Variants in RNF2 observed in about 807,000 individuals in gnomAD.
RNF2 encodes the protein E3 ubiquitin-protein ligase RING2.
Under a neutral mutation model 37.2 loss-of-function variants are expected in RNF2, and 6 were observed. That is an observed-to-expected ratio of 0.16 (90% CI 0.09 to 0.32). The LOEUF (loss-of-function observed/expected upper bound fraction) is 0.32, where lower values mean the gene tolerates loss of function less well. Among genes scored for constraint, RNF2 ranks in the 10% least tolerant of loss-of-function variants. RNF2 has a pLI of 1.00. For missense variants in RNF2, 251 were observed against 404.0 expected, an observed-to-expected ratio of 0.62 and a Z score of 3.25; for synonymous variants, 133 against 132.7, an observed-to-expected ratio of 1.00 and a Z score of -0.02.
chr1:185,087,618 A>T lies in RNF2; in HGVS notation c.65A>T (p.Tyr22Phe). ...PLSKTWELSL[Y>F]ELQRTPQEAI... ...AGCAAAACATGGGAACTCAGTTTAT[A>T]TGAGTTACAACGAACACCTCAGGTA... Residue 22 changes from tyrosine (Y) to phenylalanine (F), a missense_variant, in exon 2 of 7, where the codon TAT (tyrosine) becomes TTT (phenylalanine). By Grantham distance (22) the Tyr-to-Phe change is conservative. Around this residue, in one of 7 missense-constraint regions of RNF2, gnomAD observed 43 missense variants for 82.7 expected, o/e 0.52. Transcript: ENST00000367510. The T allele has an allele frequency of 6.2e-7, 1 of 1,613,898 alleles. No homozygotes were observed. The highest frequency in any genetic ancestry group is 8.5e-7 in the Non-Finnish European group (1 of 1,179,742).
At chr1:185,067,189 A>G (rs1650821298) in intron 1 of RNF2, among the ~76,000 whole-genome samples, 1 of 152,238 alleles carries the variant, frequency 6.6e-6, no homozygotes, top group African/African-American at 2.4e-5. Context: ...TGAGTATTCC[A>G]GATGTTCAGT....
chr1:185,096,529 A>G (rs1391667503), intron 4 of RNF2, among the ~76,000 whole-genome samples: 5 of 151,700 alleles, frequency 3.3e-5, no homozygotes, highest in Non-Finnish European at 7.4e-5. Context: ...TACCTCACAT[A>G]AGTGAAATCG....
chr1:185,065,446 C>G (rs1226246174), intron 1 of RNF2, among the ~76,000 whole-genome samples: 1 of 152,186 alleles, frequency 6.6e-6, no homozygotes, highest in Non-Finnish European at 1.5e-5. Context: ...ATAAATCTTG[C>G]TGCTGCTCAC....
At chr1:185,059,976 A>G (rs1252738168) in intron 1 of RNF2, among the ~76,000 whole-genome samples, 1 of 152,232 alleles carries the variant, frequency 6.6e-6, no homozygotes, top group Non-Finnish European at 1.5e-5. Flanking sequence ...CCAGAAAAGT[A>G]GAACTTGTTA....
Position 185,098,156 on chromosome 1 carries a change from C to T in RNF2, c.549C>T (p.Ser183=). The change falls in exon 5 of 7, where the codon TCC becomes TCT. Residue 183 remains serine, a synonymous_variant. Transcript: ENST00000367510. The part of the protein sequence containing the change: ...NGDSSHCSNA[S]THSNQEAGPS... ...ACAGTTCACACTGCAGTAATGCATC[C>T]ACACATAGCAATCAGGAAGCAGGCC... The T allele has an allele frequency of 6.2e-7, 1 of 1,614,170 alleles. No homozygotes were observed. Among genetic ancestry groups the T allele is most frequent in the Non-Finnish European group, 8.5e-7 (1 of 1,180,026 alleles).
intron 2 of RNF2, among the ~76,000 whole-genome samples, chr1:185,089,049 G>T (rs1452491411): frequency 6.6e-6 from 1 of 151,226 alleles, no homozygotes; most frequent in African/African-American, 2.4e-5. Context: ...CCATGGATTG[G>T]AGGTGGGTGG....
intron 1 of RNF2, among the ~76,000 whole-genome samples, chr1:185,047,934 A>G (rs1030839560): frequency 1.3e-5 from 2 of 152,210 alleles, no homozygotes; most frequent in African/African-American, 2.4e-5. Flanking sequence ...ATAGTAACTT[A>G]GTGTTTATTT....
In RNF2 at chr1:185,098,240, T is replaced by C; in HGVS notation, c.633T>C (p.Asn211=). 6.2e-7 allele frequency: 1 copy of C among 1,614,154 alleles called. No homozygotes were observed. The highest frequency in any genetic ancestry group is 1.1e-5 in the South Asian group (1 of 91,086). The part of the protein sequence containing the change: ...DDSGLELDNN[N]AAMAIDPVMD... ...CTGGGCTAGAGCTTGATAATAACAA[T>C]GCAGCAATGGCAATTGATCCAGTAA... is the stretch of plus-strand genomic sequence containing the variant. The change falls in exon 5 of 7, where the codon AAT becomes AAC. Residue 211 remains asparagine, a synonymous_variant. Coordinates refer to ENST00000367510, the MANE Select transcript of RNF2 (RefSeq NM_007212.4).
In RNF2 at chr1:185,076,622, A is replaced by G. The variant is rs538768005; in HGVS notation, c.-2-10930A>G. Among the ~76,000 whole-genome samples the G allele has an allele frequency of 4.5e-4, 68 of 151,090 alleles. No individual in the cohort carries two copies. The South Asian group carries it at 0.014, about 31-fold the overall frequency. Reference sequence around the variant, plus strand: ...TTTTTTTTTTTATGTTAATCCTTCCAGAATTTTAAAATTCACTTATTTGTT... The same window carrying G: ...TTTTTTTTTTTATGTTAATCCTTCCGGAATTTTAAAATTCACTTATTTGTT... On this transcript the variant is annotated intron_variant, in intron 1 of 6. Transcript: ENST00000367510.
At chr1:185,054,680 T>C (rs935248876) in intron 1 of RNF2, among the ~76,000 whole-genome samples, 3 of 152,066 alleles carry the variant, frequency 2.0e-5, no homozygotes, top group African/African-American at 7.2e-5. Flanking sequence ...AATCTTTCTT[T>C]GTGGGTTTTT....
intron 1 of RNF2, among the ~76,000 whole-genome samples, chr1:185,086,861 T>A (rs1460613885): frequency 6.6e-6 from 1 of 152,212 alleles, no homozygotes; most frequent in African/African-American, 2.4e-5. Context: ...TTTTCCTGAT[T>A]TAGTTCTAAG....
At chr1:185,080,742 C>G (rs1452069673) in intron 1 of RNF2, among the ~76,000 whole-genome samples, 1 of 152,182 alleles carries the variant, frequency 6.6e-6, no homozygotes, top group African/African-American at 2.4e-5. Context: ...GTCAATCACT[C>G]CTAAGTCTTA....
intron 4 of RNF2, among the ~76,000 whole-genome samples, chr1:185,096,744 T>C (rs1488725882): frequency 6.6e-6 from 1 of 152,164 alleles, no homozygotes; most frequent in Non-Finnish European, 1.5e-5. Context: ...CCATTGTGTG[T>C]GCTTATGTAT....
In RNF2 at chr1:185,099,981, A is replaced by G. The variant is rs377241883; in HGVS notation, c.909+19A>G. On this transcript the variant is annotated intron_variant, in intron 6 of 6. Transcript: ENST00000367510. ...GTTCACTGTGAGTATTTAAAATAAT[A>G]GACTGTTGAAACTGGGAGCACACTG... is the stretch of plus-strand genomic sequence containing the variant. 10 of 1,598,006 alleles carry G rather than the reference A, an allele frequency of 6.3e-6. No individual in the cohort carries two copies. In the African/African-American group the frequency reaches 1.2e-4, roughly 19 times the overall value.
intron 1 of RNF2, among the ~76,000 whole-genome samples, chr1:185,076,269 T>C (rs1472765673): frequency 1.9e-4 from 4 of 20,966 alleles, no homozygotes; most frequent in African/African-American, 2.7e-4. Flanking sequence ...TTATGGGTTG[T>C]TTTTTTTTTT....
intron 1 of RNF2, among the ~76,000 whole-genome samples, chr1:185,078,895 T>A (rs1437487927): frequency 6.6e-6 from 1 of 152,056 alleles, no homozygotes; most frequent in African/African-American, 2.4e-5. Context: ...AATACAAAAA[T>A]TTGCCAGGCA....
chr1:185,052,232 A>G (rs1368529753), intron 1 of RNF2, among the ~76,000 whole-genome samples: 2 of 152,208 alleles, frequency 1.3e-5, no homozygotes, highest in Non-Finnish European at 2.9e-5. Context: ...AACCGGAGGT[A>G]TCCAAAGTAG....
intron 1 of RNF2, chr1:185,046,150 C>T (rs997380389): frequency 1.3e-5 from 2 of 151,848 alleles, no homozygotes; most frequent in African/African-American, 4.9e-5. Flanking sequence ...GCAGATATCG[C>T]TCCTTCCTTC....
At chr1:185,074,302 GGAATT>G (rs1651078794) in intron 1 of RNF2, among the ~76,000 whole-genome samples, 1 of 152,082 alleles carries the variant, frequency 6.6e-6, no homozygotes, top group Non-Finnish European at 1.5e-5. Flanking sequence ...TTGGCCATTG[GGAATT>G]AGCTGGATCT....
Sources: allele counts gnomAD v4.1 joint callset (sites outside exome capture counted in the v4.1 genomes callset), GRCh38; gene constraint gnomAD v4.1.1; regional missense constraint gnomAD v4.1.1; transcripts MANE v1.5; gene names NCBI Gene and HGNC (gene_info 2026-07-23, HGNC 2026-07-21).